SHF: variants seen among roughly 807,000 people sequenced by gnomAD.
The protein encoded by SHF is SH2 domain-containing adapter protein F.
In SHF, 30 loss-of-function variants were observed where a neutral mutation model predicts 42.4. The ratio of observed to expected loss-of-function variants is 0.71; its 90% CI spans 0.53 to 0.96. SHF has a LOEUF of 0.96. SHF is among the 40% of genes least tolerant of loss of function. The pLI, the probability that SHF is intolerant of heterozygous loss-of-function variation, is 0.00. For synonymous variants in SHF, 264 were observed against 269.9 expected (o/e 0.98, Z 0.21); for missense variants, 598 against 634.0 (o/e 0.94, Z 0.61).
Position 45,187,774 on chromosome 15 carries a change from C to A in SHF, c.178G>T (p.Gly60Trp), listed in dbSNP as rs1898521091. The A allele has an allele frequency of 1.1e-6, 1 of 895,506 alleles. No homozygotes were observed. The highest frequency in any genetic ancestry group is 3.7e-5 in the East Asian group (1 of 26,878). 55.5% of individuals were successfully genotyped at this position (895,506 alleles called of 1,614,324 possible). ...TTGCTGCCCCCTCCGCCGCCGCCCC[C>A]CCCGCGGAAGCCCAGGTGCTCCCGG... ...WLREHLGFRG[G>W]GGGGGGSKPA... is the part of the protein sequence containing the mutation. The change falls in exon 1 of 7, where the codon GGG becomes TGG. Residue 60 changes from glycine to tryptophan, a missense_variant. By Grantham distance (184) the Gly-to-Trp change is radical. Around this residue, in one of 2 missense-constraint regions of SHF, gnomAD observed 159 missense variants for 109.3 expected, o/e 1.45. Transcript: ENST00000690270.
chr15:45,177,500 T>C (rs1185581976), intron 2 of SHF, among the ~76,000 whole-genome samples: 2 of 152,164 alleles, frequency 1.3e-5, no homozygotes, highest in Non-Finnish European at 2.9e-5. Context: ...TTGAAGCAAG[T>C]CCAGATACCT....
Position 45,178,534 on chromosome 15 carries a change from CTTTTTTTTT to C in SHF, c.499-237_499-229del, listed in dbSNP as rs3067019. Among the ~76,000 whole-genome samples the C allele has an allele frequency of 2.4e-5, 3 of 126,598 alleles. No homozygotes were observed. In the East Asian group the frequency reaches 6.7e-4, roughly 28 times the overall value. The allele number at this position is 126,598 out of a possible 152,430, so 83.1% of individuals were successfully genotyped here. Reference sequence around the variant, plus strand: ...CCAAGTGGTACCTCTTTCCTTCTTTCTTTTTTTTTTTTTTTTTTGAGACAGAGTCTCACT... The same window carrying C: ...CCAAGTGGTACCTCTTTCCTTCTTTCTTTTTTTTTGAGACAGAGTCTCACT... On this transcript the variant is annotated intron_variant, in intron 1 of 6. Transcript: ENST00000690270.
chr15:45,198,699 G>C, intron 2 of SHF: 1 of 1,528,646 alleles, frequency 6.5e-7, no homozygotes, highest in Non-Finnish European at 8.8e-7. Context: ...GACCCGTAGG[G>C]GTTGGCTTCT....
At chr15:45,169,116 G>A (rs914061904) in intron 6 of SHF, among the ~76,000 whole-genome samples, 4 of 152,186 alleles carry the variant, frequency 2.6e-5, no homozygotes, top group Non-Finnish European at 4.4e-5. Context: ...GGACAAGGAC[G>A]GGGCTTAGAG....
chr15:45,179,255 C>A (rs758755580), intron 1 of SHF, among the ~76,000 whole-genome samples: 1 of 152,242 alleles, frequency 6.6e-6, no homozygotes, highest in African/African-American at 2.4e-5. Context: ...ATGTCCAGGA[C>A]CATTCTACGT....
intron 6 of SHF, among the ~76,000 whole-genome samples, chr15:45,169,482 G>C (rs1897364719): frequency 6.6e-6 from 1 of 152,180 alleles, no homozygotes; most frequent in African/African-American, 2.4e-5. Flanking sequence ...GACAGCACAG[G>C]CCCTTGGGGA....
intron 1 of SHF, among the ~76,000 whole-genome samples, chr15:45,185,285 C>G (rs1898330567): frequency 2.0e-5 from 3 of 152,236 alleles, no homozygotes; most frequent in South Asian, 4.1e-4. Context: ...GAGAAAGCGG[C>G]CACATAGTAC....
intron 6 of SHF, 80 bp from the exon 7 acceptor site, chr15:45,168,213 C>A: frequency 2.2e-6 from 3 of 1,368,344 alleles, no homozygotes; most frequent in South Asian, 1.6e-5. Context: ...CCCTCCCCAA[C>A]CCTACAGCAA....
intron 1 of SHF, chr15:45,199,877 C>T (rs989278673): frequency 2.9e-5 from 4 of 136,970 alleles, no homozygotes; most frequent in African/African-American, 1.1e-4. Context: ...TCGCTTGAAC[C>T]CAGGAGGCGG....
Position 45,171,672 on chromosome 15 carries a change from T to A in SHF, c.1280+211A>T, listed in dbSNP as rs1490275973. The A allele has an allele frequency of 5.0e-6, 3 of 605,694 alleles. No homozygotes were observed. The African/African-American group carries it at 5.6e-5, about 11-fold the overall frequency. 37.5% of individuals were successfully genotyped at this position (605,694 alleles called of 1,614,324 possible). On this transcript the variant is annotated intron_variant, in intron 6 of 6. Transcript: ENST00000690270. ...CCACACAACTAGAACAGAACCCTTC[T>A]GAGCTGGATGCTGCGGATCAACTAT...
intron 1 of SHF, among the ~76,000 whole-genome samples, chr15:45,181,876 C>T (rs1898145649): frequency 6.6e-6 from 1 of 152,208 alleles, no homozygotes; most frequent in African/African-American, 2.4e-5. Context: ...AATAAAACCA[C>T]GGCTGGTATT....
chr15:45,171,887 G>A lies in SHF; in HGVS notation c.1276C>T (p.Leu426Phe), dbSNP rs771561111. ...ETSKNDFSLS[L>F]KSSQGFMHMK... is the part of the protein sequence containing the mutation. Reference sequence around the variant, plus strand: ...ACCACAACTGTCCCCACTCACTTGAGGGAGAGGGAGAAGTCATTCTTGCTG... The same window carrying A: ...ACCACAACTGTCCCCACTCACTTGAAGGAGAGGGAGAAGTCATTCTTGCTG... The change falls in exon 6 of 7, where the codon CTC becomes TTC. Residue 426 changes from leucine (L) to phenylalanine (F), a missense_variant. Leu to Phe is a conservative substitution (Grantham distance 22). Transcript: ENST00000690270. The A allele has an allele frequency of 2.5e-6, 4 of 1,612,984 alleles. No individual in the cohort carries two copies. The South Asian group carries it at 3.3e-5, about 13-fold the overall frequency.
upstream of SHF, among the ~76,000 whole-genome samples, chr15:45,189,484 G>T (rs144856839): frequency 6.8e-6 from 1 of 147,618 alleles, no homozygotes; most frequent in East Asian, 2.1e-4. Context: ...CACCTCCCGG[G>T]TTCAAGCAAT....
At chr15:45,186,764 T>C (rs1898430574) in intron 1 of SHF, among the ~76,000 whole-genome samples, 1 of 152,216 alleles carries the variant, frequency 6.6e-6, no homozygotes, top group Non-Finnish European at 1.5e-5. Flanking sequence ...ACTATCCTCA[T>C]ACCTGAGAGG....
At chr15:45,196,346 G>A (rs958220762) in intron 2 of SHF, among the ~76,000 whole-genome samples, 9 of 152,154 alleles carry the variant, frequency 5.9e-5, no homozygotes, top group Middle Eastern at 3.4e-3. Context: ...CACCTGCCTC[G>A]GCCTCCCGAA....
chr15:45,190,309 T>C (rs553543601), upstream of SHF, among the ~76,000 whole-genome samples: 51 of 152,150 alleles, frequency 3.4e-4, no homozygotes, highest in Non-Finnish European at 6.3e-4. Flanking sequence ...AGATGATAAA[T>C]AGAGAAGAAT....
chr15:45,178,243 C>T lies in SHF; in HGVS notation c.562G>A (p.Gly188Arg). 1 of 1,614,000 alleles carries T rather than the reference C, an allele frequency of 6.2e-7. No individual in the cohort carries two copies. ...DVQETGEGSA[G>R]ASGAPEKVPE... ...ACCTTCTCTGGGGCTCCTGAAGCTC[C>T]TGCTGAGCCTTCGCCAGTCTCCTGA... is the stretch of plus-strand genomic sequence containing the variant. Residue 188 changes from glycine (G) to arginine (R), a missense_variant, in exon 2 of 7, where the codon GGA becomes AGA. Physicochemically the swap from Gly to Arg is moderately radical, Grantham distance 125. This residue lies in a region of SHF where 439 missense variants were observed against 524.6 expected (regional missense o/e 0.84). Coordinates refer to ENST00000690270, the MANE Select transcript of SHF (RefSeq NM_001394037.1).
intron 1 of SHF, among the ~76,000 whole-genome samples, chr15:45,199,699 G>A (rs1217968926): frequency 6.6e-6 from 1 of 152,070 alleles, no homozygotes; most frequent in Non-Finnish European, 1.5e-5. Flanking sequence ...AGAGCCTTTG[G>A]GCGTTGTTGG....
At position 45,172,104 on chromosome 15, in the gene SHF, G is replaced by A. The variant is rs769914020; in HGVS notation, c.1160+43C>T. Reference sequence around the variant, plus strand: ...CTGTAGGGAAGCCAGTGCCAGGAGGGGAGGAGTGGGGAGGGAGTCCCCAGC... The same window carrying A: ...CTGTAGGGAAGCCAGTGCCAGGAGGAGAGGAGTGGGGAGGGAGTCCCCAGC... On this transcript the variant is annotated intron_variant, in intron 5 of 6. Transcript: ENST00000690270. 60 of 1,613,796 alleles carry A rather than the reference G, an allele frequency of 3.7e-5. No individual in the cohort carries two copies. The South Asian group carries it at 5.2e-4, about 14-fold the overall frequency.
Sources: gnomAD v4.1 joint callset for allele counts (sites outside exome capture counted in the v4.1 genomes callset) on GRCh38, gnomAD v4.1.1 for gene constraint, gnomAD v4.1.1 regional missense constraint, MANE v1.5 for transcripts, NCBI Gene and HGNC (gene_info 2026-07-23, HGNC 2026-07-21) for gene names.